Variants in ZHX2 observed in about 807,000 individuals in gnomAD.
ZHX2 encodes zinc fingers and homeoboxes 2.
In ZHX2, 6 loss-of-function variants were observed where a neutral mutation model predicts 21.9. That is an observed-to-expected ratio of 0.27 (90% confidence interval 0.15 to 0.54). The LOEUF (loss-of-function observed/expected upper bound fraction) is 0.54, where lower values mean the gene tolerates loss of function less well. ZHX2 is among the 20% of genes least tolerant of loss of function. The pLI is 0.95. For synonymous variants in ZHX2, 434 were observed against 437.1 expected (o/e 0.99, Z 0.09); for missense variants, 908 against 1,090.7 (o/e 0.83, Z 2.36).
chr8:122,875,781 C>G (rs530212047), intron 2 of ZHX2, among the ~76,000 whole-genome samples: 2 of 152,238 alleles, frequency 1.3e-5, no homozygotes, highest in African/African-American at 4.8e-5. Context: ...AGGATTGGAA[C>G]GTAGGCAGCC....
intron 1 of ZHX2, among the ~76,000 whole-genome samples, chr8:122,858,093 C>G (rs1819071667): frequency 6.6e-6 from 1 of 152,208 alleles, no homozygotes; most frequent in South Asian, 2.1e-4. Flanking sequence ...AGCTCGGGCC[C>G]CACGGAAGCC....
At position 122,825,775 on chromosome 8, in the gene ZHX2, G is replaced by A. The variant is rs141711539; in HGVS notation, c.-282-37702G>A. On this transcript the variant is annotated intron_variant, in intron 1 of 3. Coordinates refer to ENST00000314393, the MANE Select transcript of ZHX2 (RefSeq NM_014943.5). Reference sequence around the variant, plus strand: ...GTAATTTATCCTTCTCCATATGCAGGTAAGTGAAATGGAGGGCTACAAAAA... The same window carrying A: ...GTAATTTATCCTTCTCCATATGCAGATAAGTGAAATGGAGGGCTACAAAAA... Among the ~76,000 whole-genome samples the A allele has an allele frequency of 2.0e-3, 300 of 152,286 alleles. 4 individuals are homozygous for A. Among genetic ancestry groups the A allele is most frequent in the African/African-American group, 5.8e-3 (243 of 41,548 alleles).
Position 122,953,785 on chromosome 8 carries a change from T to C in ZHX2, c.2275T>C (p.Cys759Arg), listed in dbSNP as rs755527113. ...VKVGSEPAKD[C>R]LPAKPSEATS... ...AGTAGGCAGCGAGCCAGCAAAAGACTGTTTGCCAGCAAAGCCCTCAGAGGC... is the reference window on the plus strand; with the variant it reads ...AGTAGGCAGCGAGCCAGCAAAAGACCGTTTGCCAGCAAAGCCCTCAGAGGC... The change falls in exon 3 of 4, where the codon TGT becomes CGT. Residue 759 changes from cysteine to arginine, a missense_variant. Coordinates refer to ENST00000314393, the MANE Select transcript of ZHX2 (RefSeq NM_014943.5). This position sits in a 1 kb window ranked among gnomAD's most constrained non-coding sequence, Gnocchi z 4.6. 6 of 1,614,182 alleles carry C rather than the reference T, an allele frequency of 3.7e-6. No individual in the cohort carries two copies. The highest frequency in any genetic ancestry group is 5.1e-6 in the Non-Finnish European group (6 of 1,180,022).
chr8:122,838,937 A>G (rs772326321), intron 1 of ZHX2, among the ~76,000 whole-genome samples: 2 of 152,124 alleles, frequency 1.3e-5, no homozygotes, highest in African/African-American at 4.8e-5. Context: ...CTGTATATAT[A>G]GTTTTTATTT....
chr8:122,804,799 C>A (rs1421904170), intron 1 of ZHX2, among the ~76,000 whole-genome samples: 1 of 152,160 alleles, frequency 6.6e-6, no homozygotes, highest in African/African-American at 2.4e-5. Context: ...CATCTGTAGC[C>A]CAGCCGGGAC....
intron 2 of ZHX2, among the ~76,000 whole-genome samples, chr8:122,942,990 G>A (rs939856774): frequency 2.0e-5 from 3 of 152,098 alleles, no homozygotes; most frequent in Non-Finnish European, 4.4e-5. Flanking sequence ...GGCCAGGCAC[G>A]GTGGCTCATG....
intron 1 of ZHX2, among the ~76,000 whole-genome samples, chr8:122,806,423 C>A (rs1461015092): frequency 6.6e-6 from 1 of 152,220 alleles, no homozygotes; most frequent in Non-Finnish European, 1.5e-5. Context: ...AAAAGGGATG[C>A]ATCTGCCCGG....
chr8:122,846,617 C>T (rs1168455502), intron 1 of ZHX2, among the ~76,000 whole-genome samples: 1 of 133,302 alleles, frequency 7.5e-6, no homozygotes, highest in Non-Finnish European at 1.6e-5. Flanking sequence ...AAGTGATTCT[C>T]TTTTTTTTTT....
rs541268797 is a variant in ZHX2, at chr8:122,808,579, ACAATT to A, written c.-283+26637_-283+26641del. Among the ~76,000 whole-genome samples, 42 of 152,392 alleles carry A rather than the reference ACAATT, an allele frequency of 2.8e-4. No individual in the cohort carries two copies. The South Asian group carries it at 6.6e-3, about 24-fold the overall frequency. On this transcript the variant is annotated intron_variant, in intron 1 of 3. Transcript: ENST00000314393. ...CCGTGATGTGGGAATTATGGAAACT[ACAATT>A]CAAGTTGAGATTTGGGTGGGGACAC...
intron 3 of ZHX2, among the ~76,000 whole-genome samples, chr8:122,956,040 T>C (rs528197255): frequency 1.1e-3 from 172 of 152,220 alleles, no homozygotes; most frequent in Non-Finnish European, 1.6e-3. Flanking sequence ...AGACGGGGTT[T>C]TGCCGTGTTG....
intron 1 of ZHX2, among the ~76,000 whole-genome samples, chr8:122,839,782 G>T (rs762681001): frequency 6.6e-6 from 1 of 152,092 alleles, no homozygotes; most frequent in Non-Finnish European, 1.5e-5. Flanking sequence ...ACCTCGTTTT[G>T]TTCAGAAACT....
chr8:122,887,743 T>C (rs1819879777), intron 2 of ZHX2, among the ~76,000 whole-genome samples: 1 of 152,142 alleles, frequency 6.6e-6, no homozygotes, highest in Non-Finnish European at 1.5e-5. Context: ...GGCCTGGAGC[T>C]GCCTGGAATT....
At chr8:122,901,753 T>G (rs1420890661) in intron 2 of ZHX2, among the ~76,000 whole-genome samples, 4 of 152,180 alleles carry the variant, frequency 2.6e-5, no homozygotes, top group African/African-American at 9.7e-5. Context: ...GAAGTGTCCC[T>G]GGCCTCCACC....
intron 1 of ZHX2, among the ~76,000 whole-genome samples, chr8:122,845,943 G>A (rs191469992): frequency 3.3e-5 from 5 of 152,338 alleles, no homozygotes; most frequent in African/African-American, 7.2e-5. Context: ...GCGGGAGAGC[G>A]CTGCGACCTG....
Position 122,952,519 on chromosome 8 carries a change from A to T in ZHX2, c.1009A>T (p.Thr337Ser). Residue 337 changes from threonine (T) to serine (S), a missense_variant, in exon 3 of 4, where the codon ACC becomes TCC. By Grantham distance (58) the Thr-to-Ser change is moderately conservative. Around this residue, in one of 4 missense-constraint regions of ZHX2, gnomAD observed 232 missense variants for 361.8 expected, o/e 0.64. Transcript: ENST00000314393. This position sits in a 1 kb window ranked among gnomAD's most constrained non-coding sequence, Gnocchi z 6.9. Reference sequence around the variant, plus strand: ...GGCCCGGAAGAAGATGTTCAACGGCACCATCCAGTCAGTACCCCCGACCAT... The same window carrying T: ...GGCCCGGAAGAAGATGTTCAACGGCTCCATCCAGTCAGTACCCCCGACCAT... ...EEARKKMFNG[T>S]IQSVPPTITV... 6.2e-7 allele frequency: 1 copy of T among 1,614,048 alleles called. No homozygotes were observed. The highest frequency in any genetic ancestry group is 8.5e-7 in the Non-Finnish European group (1 of 1,180,034).
At chr8:122,801,906 A>G (rs1025015011) in intron 1 of ZHX2, among the ~76,000 whole-genome samples, 2 of 152,164 alleles carry the variant, frequency 1.3e-5, no homozygotes, top group Non-Finnish European at 1.5e-5. Context: ...TGGAATAAGT[A>G]TGAGGCCTGA....
chr8:122,931,304 T>C (rs1820987516), intron 2 of ZHX2, among the ~76,000 whole-genome samples: 1 of 152,186 alleles, frequency 6.6e-6, no homozygotes, highest in South Asian at 2.1e-4. Context: ...GGCCAGAGTT[T>C]GTGCGGTAGG....
chr8:122,895,771 A>C (rs1002642658), intron 2 of ZHX2, among the ~76,000 whole-genome samples: 1 of 151,816 alleles, frequency 6.6e-6, no homozygotes, highest in African/African-American at 2.4e-5. Flanking sequence ...TCTCGCCAAG[A>C]TAAGCATAGA....
chr8:122,928,919 A>C (rs1820918296), intron 2 of ZHX2, among the ~76,000 whole-genome samples: 1 of 152,144 alleles, frequency 6.6e-6, no homozygotes, highest in Non-Finnish European at 1.5e-5. Flanking sequence ...AAGATAGGAC[A>C]TCCTATTATT....
Sources: gnomAD v4.1 joint callset for allele counts (sites outside exome capture counted in the v4.1 genomes callset) on GRCh38, gnomAD v4.1.1 for gene constraint, gnomAD v4.1.1 regional missense constraint, Gnocchi (gnomAD v3.1) non-coding constraint, MANE v1.5 for transcripts, NCBI Gene and HGNC (gene_info 2026-07-23, HGNC 2026-07-21) for gene names.